CDH13: variants seen among roughly 807,000 people sequenced by gnomAD.
CDH13 encodes cadherin 13.
A neutral mutation model predicts 63.8 loss-of-function variants in CDH13; 24 were observed. The observed-to-expected ratio is 0.38, with a 90% CI of 0.27 to 0.53. CDH13 has a LOEUF of 0.53. CDH13 is among the 20% of genes least tolerant of loss of function. The pLI, the probability that CDH13 is intolerant of heterozygous loss-of-function variation, is 0.85. For synonymous variants in CDH13, 503 were observed against 355.3 expected (o/e 1.42, Z -4.67); for missense variants, 1,049 against 903.1 (o/e 1.16, Z -2.07).
intron 6 of CDH13, among the ~76,000 whole-genome samples, chr16:83,442,783 A>C (rs1385513351): frequency 6.6e-6 from 1 of 152,258 alleles, no homozygotes; most frequent in Non-Finnish European, 1.5e-5. Context: ...GAGAAGATGT[A>C]AAATGTTTAT....
chr16:83,186,445 T>A (rs73606336), intron 4 of CDH13, among the ~76,000 whole-genome samples: 3,907 of 152,250 alleles, frequency 0.026, 168 homozygotes, highest in African/African-American at 0.09. Flanking sequence ...CCTAATGGCA[T>A]CTTAGTCATT....
chr16:82,897,833 C>T (rs1433652248), intron 2 of CDH13, among the ~76,000 whole-genome samples: 1 of 152,234 alleles, frequency 6.6e-6, no homozygotes, highest in African/African-American at 2.4e-5. Context: ...TTATCTTGAT[C>T]ATTTCTTTAT....
chr16:82,805,486 G>A (rs1040085114), intron 1 of CDH13, among the ~76,000 whole-genome samples: 1 of 152,162 alleles, frequency 6.6e-6, no homozygotes, highest in Non-Finnish European at 1.5e-5. Context: ...CCAGAAGAGT[G>A]TATTTGGGCA....
chr16:82,972,667 T>C (rs1908934019), intron 2 of CDH13, among the ~76,000 whole-genome samples: 1 of 152,198 alleles, frequency 6.6e-6, no homozygotes, highest in Non-Finnish European at 1.5e-5. Flanking sequence ...ATTTAACACA[T>C]AGTAGCTGTT....
intron 4 of CDH13, among the ~76,000 whole-genome samples, chr16:83,197,422 T>C (rs751681065): frequency 6.6e-5 from 10 of 152,218 alleles, no homozygotes; most frequent in Non-Finnish European, 1.3e-4. Context: ...TATTTTTAAA[T>C]GTACAATTGA....
chr16:82,922,329 A>G (rs4312297), intron 2 of CDH13, among the ~76,000 whole-genome samples: 2 of 152,150 alleles, frequency 1.3e-5, no homozygotes, highest in Non-Finnish European at 2.9e-5. Flanking sequence ...TAGGAAAGGT[A>G]AGGAAAGACA....
intron 7 of CDH13, among the ~76,000 whole-genome samples, chr16:83,584,084 C>G (rs1301131228): frequency 6.6e-6 from 1 of 152,122 alleles, no homozygotes; most frequent in African/African-American, 2.4e-5. Flanking sequence ...AATCCCAGCA[C>G]TTTGGGAGGC....
At chr16:82,902,126 G>T (rs958975052) in intron 2 of CDH13, among the ~76,000 whole-genome samples, 2 of 152,146 alleles carry the variant, frequency 1.3e-5, no homozygotes, top group Non-Finnish European at 2.9e-5. Flanking sequence ...AAGCAGGAAA[G>T]AACTAAAAGG....
intron 2 of CDH13, among the ~76,000 whole-genome samples, chr16:82,915,149 A>G: frequency 6.6e-6 from 1 of 152,212 alleles, no homozygotes; most frequent in East Asian, 1.9e-4. Flanking sequence ...AAAATGGTCT[A>G]ATTTGGTGGT....
At chr16:83,089,711 C>A (rs114053726) in intron 3 of CDH13, among the ~76,000 whole-genome samples, 249 of 152,276 alleles carry the variant, frequency 1.6e-3, no homozygotes, top group African/African-American at 5.8e-3. Flanking sequence ...TTGCCATGGA[C>A]TTCTATCTCA....
intron 10 of CDH13, among the ~76,000 whole-genome samples, chr16:83,728,456 A>C (rs1391323718): frequency 1.3e-5 from 2 of 152,084 alleles, no homozygotes; most frequent in Non-Finnish European, 2.9e-5. Context: ...TGTGCAATGC[A>C]ATTCTTTTTA....
chr16:83,714,980 G>A (rs555625843), intron 10 of CDH13, among the ~76,000 whole-genome samples: 1 of 152,276 alleles, frequency 6.6e-6, no homozygotes, highest in South Asian at 2.1e-4. Flanking sequence ...TGCGAGCTCA[G>A]GTACTTGTTA....
chr16:83,426,903 C>CTTTCTTT (rs2071921993), intron 6 of CDH13, among the ~76,000 whole-genome samples: 1 of 73,966 alleles, frequency 1.4e-5, no homozygotes, highest in Non-Finnish European at 2.8e-5. Flanking sequence ...AAATATGTTT[C>CTTTCTTT]TTTCTTTTTT....
intron 4 of CDH13, among the ~76,000 whole-genome samples, chr16:83,191,470 T>C (rs550509056): frequency 9.1e-6 from 1 of 109,552 alleles, no homozygotes; most frequent in African/African-American, 3.3e-5. Flanking sequence ...TATATATATA[T>C]ATATATATAT....
intron 8 of CDH13, among the ~76,000 whole-genome samples, chr16:83,645,165 G>C (rs536550930): frequency 1.6e-4 from 24 of 152,340 alleles, no homozygotes; most frequent in Non-Finnish European, 2.6e-4. Flanking sequence ...ATCAACGATT[G>C]ACTGGTTAAA....
At chr16:83,025,605 T>A (rs1342568490) in intron 2 of CDH13, among the ~76,000 whole-genome samples, 1 of 152,150 alleles carries the variant, frequency 6.6e-6, no homozygotes, top group Non-Finnish European at 1.5e-5. Context: ...CAATTCAAGA[T>A]GAGATTTTGG....
chr16:82,845,044 A>G (rs886702492), intron 1 of CDH13, among the ~76,000 whole-genome samples: 1 of 152,166 alleles, frequency 6.6e-6, no homozygotes, highest in Non-Finnish European at 1.5e-5. Flanking sequence ...TCCTGAAATC[A>G]GAGCCTGAGA....
intron 7 of CDH13, among the ~76,000 whole-genome samples, chr16:83,550,493 A>T (rs995473763): frequency 6.6e-6 from 1 of 152,202 alleles, no homozygotes; most frequent in Admixed American, 6.5e-5. Flanking sequence ...GATTGATAGG[A>T]GGTCAACTGC....
At chr16:82,697,947 A>C (rs1414136215) in intron 1 of CDH13, among the ~76,000 whole-genome samples, 1 of 152,136 alleles carries the variant, frequency 6.6e-6, no homozygotes. Context: ...AGACTGGAGG[A>C]TGTAATCTAC....
Sources: gnomAD v4.1 joint callset for allele counts (sites outside exome capture counted in the v4.1 genomes callset) on GRCh38, gnomAD v4.1.1 for gene constraint, MANE v1.5 for transcripts, NCBI Gene and HGNC (gene_info 2026-07-23, HGNC 2026-07-21) for gene names.